CFAP221: variants seen among roughly 807,000 people sequenced by gnomAD.
CFAP221 encodes the protein cilia- and flagella-associated protein 221.
CFAP221 carries 97 observed loss-of-function variants against 113.1 expected under a neutral mutation model. That is an observed-to-expected ratio of 0.86 (90% confidence interval 0.73 to 1.02). CFAP221 has a LOEUF of 1.02. CFAP221 is among the 50% of genes least tolerant of loss of function. CFAP221 has a pLI of 0.00. For missense variants in CFAP221, 1,025 were observed against 1,013.4 expected (o/e 1.01, Z -0.16); for synonymous variants, 331 against 354.4 (o/e 0.93, Z 0.74).
rs763821756 is a variant in CFAP221 at position 119,625,599 on chromosome 2, G to A, written c.1427G>A (p.Arg476Gln). ...QVARKVMIQGRLFNMLSAVRE... is the reference protein window; with the variant it reads ...QVARKVMIQGQLFNMLSAVRE... ...CAATTTCAGGTCATGATTCAGGGAC[G>A]ATTATTCAATATGCTGAGTGCTGTT... The change falls in exon 15 of 24, where the codon CGA (arginine) becomes CAA (glutamine). Residue 476 changes from arginine to glutamine, a missense_variant. By Grantham distance (43) the Arg-to-Gln change is conservative. Coordinates refer to ENST00000413369, the MANE Select transcript of CFAP221 (RefSeq NM_001271049.2). 29 of 1,612,802 alleles carry A rather than the reference G, an allele frequency of 1.8e-5. No homozygotes were observed. The East Asian group carries it at 4.7e-4, about 26-fold the overall frequency.
chr2:119,656,062 G>A (rs1688415707), intron 23 of CFAP221: 4 of 326,556 alleles, frequency 1.2e-5, no homozygotes, highest in Middle Eastern at 9.5e-4. Flanking sequence ...TTTCACCTTT[G>A]CTACAATGCT....
chr2:119,645,345 C>T (rs1245922028), intron 21 of CFAP221, among the ~76,000 whole-genome samples: 1 of 151,918 alleles, frequency 6.6e-6, no homozygotes, highest in Non-Finnish European at 1.5e-5. Flanking sequence ...CCACCTCCCT[C>T]CAGCCCCTGG....
In CFAP221 at chr2:119,559,910, A is replaced by T; in HGVS notation, c.328-18A>T. On this transcript the variant is annotated intron_variant, in intron 4 of 23. Transcript: ENST00000413369. ...GCAGTCCGGGGCTTGTCCCAACAAG[A>T]TGCCACCTGTCTTCCAGGAACACCA... 6.5e-7 allele frequency: 1 copy of T among 1,530,118 alleles called. No homozygotes were observed. The highest frequency in any genetic ancestry group is 8.8e-7 in the Non-Finnish European group (1 of 1,141,584). The allele number at this position is 1,530,118 out of a possible 1,614,324, so 94.8% of individuals were successfully genotyped here.
At chr2:119,560,853 T>A (rs1681193983) in intron 5 of CFAP221, among the ~76,000 whole-genome samples, 1 of 152,258 alleles carries the variant, frequency 6.6e-6, no homozygotes, top group East Asian at 1.9e-4. Context: ...TGTCTCTGAC[T>A]CACTTCGTCA....
chr2:119,642,733 T>C (rs955917606), intron 21 of CFAP221, among the ~76,000 whole-genome samples: 3 of 152,010 alleles, frequency 2.0e-5, no homozygotes, highest in African/African-American at 7.2e-5. Flanking sequence ...AGAGATATGG[T>C]TTTGCTACAT....
chr2:119,556,595 C>T (rs1349379616), intron 3 of CFAP221, among the ~76,000 whole-genome samples: 5 of 150,766 alleles, frequency 3.3e-5, no homozygotes, highest in East Asian at 1.9e-4. Flanking sequence ...CTCTTGTCAC[C>T]CAGGTTGGAG....
At chr2:119,567,726 A>G (rs1414673831) in intron 6 of CFAP221, among the ~76,000 whole-genome samples, 1 of 152,142 alleles carries the variant, frequency 6.6e-6, no homozygotes, top group African/African-American at 2.4e-5. Context: ...ACAGTGATCT[A>G]CTCTGATGAT....
At chr2:119,592,780 T>C (rs1683687155) in intron 7 of CFAP221, among the ~76,000 whole-genome samples, 1 of 152,252 alleles carries the variant, frequency 6.6e-6, no homozygotes. Flanking sequence ...CAACTTGGTC[T>C]ATCTCAGAAC....
At chr2:119,548,896 TAGAG>T (rs529851686) in intron 2 of CFAP221, among the ~76,000 whole-genome samples, 185 bp from the exon 3 acceptor site, 67 of 152,328 alleles carry the variant, frequency 4.4e-4, no homozygotes, top group African/African-American at 1.6e-3. Context: ...TGTTTAAAAA[TAGAG>T]AGGGAGAAAG....
chr2:119,632,579 G>A (rs1173810185), intron 19 of CFAP221, among the ~76,000 whole-genome samples: 1 of 151,870 alleles, frequency 6.6e-6, no homozygotes, highest in Non-Finnish European at 1.5e-5. Flanking sequence ...CAAGTATAGG[G>A]CAAGGATGTC....
Position 119,546,206 on chromosome 2 carries a change from C to G in CFAP221, c.75C>G (p.Leu25=), listed in dbSNP as rs776366157. The G allele has an allele frequency of 5.2e-6, 8 of 1,535,754 alleles. No individual in the cohort carries two copies. Among genetic ancestry groups the G allele is most frequent in the African/African-American group, 1.4e-5 (1 of 72,984 alleles). Reference sequence around the variant, plus strand: ...CCTTTAATAATGCATCACCCCATCTCTTGAAGAACCTAGTGGAGGAGCCGA... The same window carrying G: ...CCTTTAATAATGCATCACCCCATCTGTTGAAGAACCTAGTGGAGGAGCCGA... ...KEPFNNASPH[L]LKNLVEEPKK... The change falls in exon 2 of 24, where the codon CTC becomes CTG. Residue 25 remains leucine, a synonymous_variant. Coordinates refer to ENST00000413369, the MANE Select transcript of CFAP221 (RefSeq NM_001271049.2).
At chr2:119,601,534 A>G (rs1684367125) in intron 8 of CFAP221, 157 bp downstream of exon 8, 1 of 659,876 alleles carries the variant, frequency 1.5e-6, no homozygotes, top group Non-Finnish European at 2.4e-6. Flanking sequence ...CATAACAGAA[A>G]TATAGAATAT....
intron 6 of CFAP221, chr2:119,580,575 T>G (rs1329672202): frequency 1.4e-5 from 1 of 73,058 alleles, no homozygotes; most frequent in Non-Finnish European, 3.1e-5. Flanking sequence ...TAGAGACATC[T>G]GGTCAGGATG....
intron 23 of CFAP221, 136 bp from the exon 24 acceptor site, chr2:119,656,226 C>G: frequency 4.6e-6 from 3 of 650,742 alleles, no homozygotes; most frequent in Non-Finnish European, 8.3e-6. Flanking sequence ...TAAACTATCA[C>G]TAACTGTGGT....
At chr2:119,564,165 A>AG (rs1681459543) in intron 6 of CFAP221, among the ~76,000 whole-genome samples, 1 of 152,134 alleles carries the variant, frequency 6.6e-6, no homozygotes, top group Non-Finnish European at 1.5e-5. Flanking sequence ...GAACCCTTTT[A>AG]GTGGTGGTAG....
chr2:119,651,165 C>T (rs529400085), intron 22 of CFAP221, among the ~76,000 whole-genome samples: 2 of 152,302 alleles, frequency 1.3e-5, no homozygotes, highest in African/African-American at 4.8e-5. Context: ...GTGTCTCCTG[C>T]ACACCATCCC....
intron 6 of CFAP221, among the ~76,000 whole-genome samples, chr2:119,576,563 A>T (rs1428231958): frequency 2.0e-5 from 3 of 152,228 alleles, no homozygotes; most frequent in Non-Finnish European, 4.4e-5. Context: ...AGGTGTAAAA[A>T]ATAAGTAAAT....
At chr2:119,621,243 G>A (rs1222542288) in intron 14 of CFAP221, among the ~76,000 whole-genome samples, 1 of 150,654 alleles carries the variant, frequency 6.6e-6, no homozygotes, top group East Asian at 1.9e-4. Context: ...AAAAAAGCAG[G>A]GGTTGCAATC....
chr2:119,658,201 T>G (rs1688497043), downstream of CFAP221, among the ~76,000 whole-genome samples: 1 of 152,218 alleles, frequency 6.6e-6, no homozygotes, highest in Admixed American at 6.5e-5. Context: ...ATTTAGTTAC[T>G]TCTTTATTCA....
Sources: allele counts gnomAD v4.1 joint callset (sites outside exome capture counted in the v4.1 genomes callset), GRCh38; gene constraint gnomAD v4.1.1; transcripts MANE v1.5; gene names NCBI Gene and HGNC (gene_info 2026-07-23, HGNC 2026-07-21).